The following EPC1 variants were observed in gnomAD, a reference collection of about 807,000 sequenced individuals.
EPC1 encodes the protein enhancer of polycomb 1, also known as enhancer of polycomb homolog 1.
In EPC1, 12 loss-of-function variants were observed where a neutral mutation model predicts 98.4. That is an observed-to-expected ratio of 0.12 (90% CI 0.08 to 0.20). The LOEUF (loss-of-function observed/expected upper bound fraction) is 0.20. Among genes scored for constraint, EPC1 ranks in the 10% least tolerant of loss-of-function variants. The pLI, the probability that EPC1 is intolerant of heterozygous loss-of-function variation, is 1.00. For missense variants in EPC1, 729 were observed against 990.5 expected (o/e 0.74, Z 3.54); for synonymous variants, 357 against 363.9 (o/e 0.98, Z 0.21).
intron 10 of EPC1, among the ~76,000 whole-genome samples, chr10:32,275,934 C>T (rs1361770622): frequency 1.4e-5 from 2 of 146,632 alleles, no homozygotes; most frequent in Admixed American, 7.0e-5. Flanking sequence ...GAGACTCCGT[C>T]TCATAAAAAA....
chr10:32,281,452 G>A (rs886476633), intron 10 of EPC1, among the ~76,000 whole-genome samples: 2 of 152,090 alleles, frequency 1.3e-5, no homozygotes, highest in Admixed American at 6.5e-5. Context: ...GTTTGTATGT[G>A]GGGGCCATGC....
At chr10:32,272,224 C>G in intron 11 of EPC1, 57 bp from the exon 12 acceptor site, 1 of 1,403,618 alleles carries the variant, frequency 7.1e-7, no homozygotes. Flanking sequence ...AAATCAATAT[C>G]AAAACTACAC....
intron 1 of EPC1, among the ~76,000 whole-genome samples, chr10:32,329,095 G>A (rs1429524067): frequency 1.3e-5 from 2 of 152,174 alleles, no homozygotes; most frequent in Non-Finnish European, 2.9e-5. Context: ...TTGGTCATAT[G>A]ACAAGATTGT....
chr10:32,331,718 G>C (rs907923581), intron 1 of EPC1, among the ~76,000 whole-genome samples: 2 of 152,198 alleles, frequency 1.3e-5, no homozygotes, highest in African/African-American at 4.8e-5. Context: ...GTCCCTTCAA[G>C]ATAAGACATG....
intron 1 of EPC1, among the ~76,000 whole-genome samples, chr10:32,315,709 T>A (rs117273045): frequency 2.0e-4 from 31 of 152,330 alleles, no homozygotes; most frequent in Non-Finnish European, 4.0e-4. Context: ...AGTAACTCTA[T>A]GGAGGAACAC....
chr10:32,356,449 C>T (rs1032739203), intron 1 of EPC1, among the ~76,000 whole-genome samples: 2 of 151,874 alleles, frequency 1.3e-5, no homozygotes, highest in Non-Finnish European at 2.9e-5. Context: ...GAGAATGGAG[C>T]CCTGGGGAAT....
chr10:32,307,894 C>T (rs1461578377), intron 1 of EPC1, among the ~76,000 whole-genome samples: 1 of 152,166 alleles, frequency 6.6e-6, no homozygotes, highest in African/African-American at 2.4e-5. Flanking sequence ...AGCTCACAAC[C>T]CTTAATCTCT....
At chr10:32,370,648 A>T (rs1839719109) in intron 1 of EPC1, among the ~76,000 whole-genome samples, 1 of 152,182 alleles carries the variant, frequency 6.6e-6, no homozygotes, top group Non-Finnish European at 1.5e-5. Flanking sequence ...GGGCTGTTCA[A>T]TAGAGCTTTG....
At chr10:32,357,929 A>G (rs1346598193) in intron 1 of EPC1, among the ~76,000 whole-genome samples, 1 of 141,032 alleles carries the variant, frequency 7.1e-6, no homozygotes, top group Non-Finnish European at 1.5e-5. Context: ...ATCTCCACTC[A>G]CTGCAACCTC....
At chr10:32,329,988 A>G (rs1233648735) in intron 1 of EPC1, among the ~76,000 whole-genome samples, 2 of 152,230 alleles carry the variant, frequency 1.3e-5, no homozygotes, top group African/African-American at 4.8e-5. Flanking sequence ...GTGCATGAGA[A>G]TAAATGAGAA....
chr10:32,298,359 G>A (rs780075062), intron 2 of EPC1, among the ~76,000 whole-genome samples: 5 of 152,128 alleles, frequency 3.3e-5, no homozygotes, highest in Non-Finnish European at 4.4e-5. Flanking sequence ...ATAGTGAAAG[G>A]ATATCTGGAT....
intron 6 of EPC1, among the ~76,000 whole-genome samples, chr10:32,290,668 G>A (rs975425678): frequency 3.3e-5 from 5 of 151,564 alleles, no homozygotes; most frequent in African/African-American, 1.2e-4. Flanking sequence ...CCCTTTATAA[G>A]GAAGAGAAAC....
chr10:32,343,102 A>G (rs1350009711), intron 1 of EPC1, among the ~76,000 whole-genome samples: 4 of 149,178 alleles, frequency 2.7e-5, no homozygotes, highest in African/African-American at 9.9e-5. Context: ...TTTAAACCCC[A>G]AAGGGACTCA....
intron 1 of EPC1, among the ~76,000 whole-genome samples, chr10:32,354,734 C>A (rs1337983208): frequency 1.3e-5 from 2 of 152,010 alleles, no homozygotes; most frequent in East Asian, 1.9e-4. Flanking sequence ...GGGTGGCAGG[C>A]AAGCCAGCAA....
At position 32,286,650 on chromosome 10, in the gene EPC1, A is replaced by T. The variant is rs368222597; in HGVS notation, c.1391+44T>A. On this transcript the variant is annotated intron_variant, in intron 9 of 13. Coordinates refer to ENST00000319778, the MANE Select transcript of EPC1 (RefSeq NM_001272004.3). ...TTTAAAAGTTAGATTCAATCACCCT[A>T]ATGCCTAAAATATCCTTCTGCTAGG... The T allele has an allele frequency of 3.4e-5, 54 of 1,606,128 alleles. No homozygotes were observed. In the Middle Eastern group the frequency reaches 5.7e-4, roughly 17 times the overall value.
chr10:32,326,259 G>A (rs1218020283), intron 1 of EPC1, among the ~76,000 whole-genome samples: 1 of 152,134 alleles, frequency 6.6e-6, no homozygotes, highest in African/African-American at 2.4e-5. Context: ...CGTGTGGCTG[G>A]GAGGGGTTAG....
chr10:32,273,228 T>C lies in EPC1; in HGVS notation c.1798A>G (p.Lys600Glu). Residue 600 changes from lysine (K) to glutamate (E), a missense_variant, in exon 11 of 14, where the codon AAA becomes GAA. Physicochemically the swap from Lys to Glu is moderately conservative, Grantham distance 56. Coordinates refer to ENST00000319778, the MANE Select transcript of EPC1 (RefSeq NM_001272004.3). Reference protein sequence around the residue: ...QHQQQLALMQKQQLAQIQQQQ... With the variant: ...QHQQQLALMQEQQLAQIQQQQ... ...TGCTGAATTTGTGCAAGCTGCTGTT[T>C]CTGCATGAGTGCCAGTTGCTGTTGA... is the stretch of plus-strand genomic sequence containing the variant. 6.2e-7 allele frequency: 1 copy of C among 1,614,056 alleles called. No homozygotes were observed.
intron 1 of EPC1, chr10:32,346,434 T>G: frequency 4.4e-6 from 1 of 226,800 alleles, no homozygotes; most frequent in South Asian, 6.0e-5. Flanking sequence ...CCTCTCCGGA[T>G]GCACAAGGCC....
Position 32,272,080 on chromosome 10 carries a change from T to C in EPC1, c.1951A>G (p.Met651Val). The change falls in exon 12 of 14, where the codon ATG (methionine) becomes GTG (valine). Residue 651 changes from methionine (M) to valine (V), a missense_variant. Met to Val is a conservative substitution (Grantham distance 21, BLOSUM62 1). Transcript: ENST00000319778. ...VTSEQLMGFKMKDDVVLGIGV... is the reference protein window; with the variant it reads ...VTSEQLMGFKVKDDVVLGIGV... ...ATTCCAAGCACCACATCATCCTTCA[T>C]CTTGAATCCCATCAGTTGTTCTGAT... 6.2e-7 allele frequency: 1 copy of C among 1,614,066 alleles called. No individual in the cohort carries two copies. Among genetic ancestry groups the C allele is most frequent in the Non-Finnish European group, 8.5e-7 (1 of 1,180,006 alleles).
Sources: gnomAD v4.1 joint callset for allele counts (sites outside exome capture counted in the v4.1 genomes callset) on GRCh38, gnomAD v4.1.1 for gene constraint, MANE v1.5 for transcripts, NCBI Gene and HGNC (gene_info 2026-07-23, HGNC 2026-07-21) for gene names.